NXPE2: variants seen among roughly 807,000 people sequenced by gnomAD.
NXPE2 encodes NXPE family member 2.
In NXPE2, 34 loss-of-function variants were observed where a neutral mutation model predicts 34.4. The ratio of observed to expected loss-of-function variants is 0.99; its 90% confidence interval spans 0.75 to 1.31. NXPE2 has a LOEUF of 1.31. Among genes scored for constraint, NXPE2 ranks in the 40% most tolerant of loss-of-function variants. The probability of loss-of-function intolerance (pLI) is 0.00; values close to 1 mark genes in which losing one functional copy is unlikely to be tolerated. For synonymous variants in NXPE2, 235 were observed against 231.3 expected (o/e 1.02, Z -0.15); for missense variants, 649 against 672.5 (o/e 0.97, Z 0.39).
chr11:114,590,597 C>G, the NXPE2 span, among the ~76,000 whole-genome samples: 2 of 152,192 alleles, frequency 1.3e-5, no homozygotes, highest in African/African-American at 4.8e-5. Context: ...GGTACCAGCC[C>G]TCAGCCCCTC....
chr11:114,597,370 T>G, the NXPE2 span, among the ~76,000 whole-genome samples: 1 of 152,216 alleles, frequency 6.6e-6, no homozygotes, highest in Non-Finnish European at 1.5e-5. Context: ...GACAAACTTT[T>G]TCTGTAAAGA....
At chr11:114,790,340 C>T in the NXPE2 span, among the ~76,000 whole-genome samples, 35 of 152,272 alleles carry the variant, frequency 2.3e-4, no homozygotes, top group African/African-American at 7.9e-4. Flanking sequence ...CTGTAAGAAG[C>T]CAAAGGTACA....
the NXPE2 span, chr11:114,554,371 A>G: frequency 1.0e-6 from 1 of 985,190 alleles, no homozygotes; most frequent in Non-Finnish European, 1.2e-6. Context: ...GCAGCAGCCT[A>G]GCTTAGACCA....
intron 2 of NXPE2, among the ~76,000 whole-genome samples, chr11:114,696,293 C>T (rs1323427470): frequency 7.1e-6 from 1 of 140,486 alleles, no homozygotes; most frequent in East Asian, 2.1e-4. Flanking sequence ...GATTGTGCCA[C>T]TGCAATCCAG....
chr11:114,489,041 T>A, the NXPE2 span, among the ~76,000 whole-genome samples: 2 of 152,124 alleles, frequency 1.3e-5, no homozygotes, highest in Non-Finnish European at 2.9e-5. Flanking sequence ...CCACTGATCC[T>A]CCAGAAATAC....
the NXPE2 span, among the ~76,000 whole-genome samples, chr11:114,806,358 G>A: frequency 1.3e-5 from 2 of 152,210 alleles, no homozygotes; most frequent in African/African-American, 4.8e-5. Context: ...TGACTTGGAC[G>A]AGTTGAGAGA....
At chr11:114,780,581 G>C in the NXPE2 span, among the ~76,000 whole-genome samples, 4 of 152,208 alleles carry the variant, frequency 2.6e-5, no homozygotes. Flanking sequence ...TGAAGGCAGA[G>C]TTCCAGCCCA....
chr11:114,724,296 T>C, the NXPE2 span, among the ~76,000 whole-genome samples: 1 of 152,192 alleles, frequency 6.6e-6, no homozygotes, highest in Non-Finnish European at 1.5e-5. Flanking sequence ...AGTGAGGTTC[T>C]CATCCCTCAC....
At chr11:114,655,577 A>G in the NXPE2 span, among the ~76,000 whole-genome samples, 1 of 152,222 alleles carries the variant, frequency 6.6e-6, no homozygotes, top group African/African-American at 2.4e-5. Flanking sequence ...TTTACTGAAT[A>G]GGAGATCCTT....
At chr11:114,632,201 CATATT>C in the NXPE2 span, among the ~76,000 whole-genome samples, 1 of 138,764 alleles carries the variant, frequency 7.2e-6, no homozygotes, top group African/African-American at 2.6e-5. Flanking sequence ...ATCATATATA[CATATT>C]ATATATGTAT....
At chr11:114,637,958 C>A in the NXPE2 span, among the ~76,000 whole-genome samples, 1 of 151,498 alleles carries the variant, frequency 6.6e-6, no homozygotes, top group Non-Finnish European at 1.5e-5. Flanking sequence ...TTGCTCTTCT[C>A]GAGGAGTATC....
At chr11:114,572,186 G>A in the NXPE2 span, among the ~76,000 whole-genome samples, 3 of 152,048 alleles carry the variant, frequency 2.0e-5, no homozygotes, top group Non-Finnish European at 4.4e-5. Context: ...CCACATCAAG[G>A]GAGCACCCTG....
the NXPE2 span, among the ~76,000 whole-genome samples, chr11:114,494,296 A>G: frequency 1.3e-5 from 2 of 152,220 alleles, no homozygotes; most frequent in South Asian, 4.1e-4. Flanking sequence ...TTCTACCCCT[A>G]TCTCGTTATC....
chr11:114,657,864 C>G, the NXPE2 span, among the ~76,000 whole-genome samples: 1 of 152,118 alleles, frequency 6.6e-6, no homozygotes, highest in South Asian at 2.1e-4. Flanking sequence ...TGAGCAAAAT[C>G]TCTCATAGTT....
the NXPE2 span, chr11:114,554,187 G>A: frequency 1.0e-6 from 1 of 984,178 alleles, no homozygotes; most frequent in Non-Finnish European, 1.2e-6. Flanking sequence ...TTCATCAGCT[G>A]TAATAGAAAC....
chr11:114,600,966 C>A, the NXPE2 span, among the ~76,000 whole-genome samples: 8 of 151,956 alleles, frequency 5.3e-5, no homozygotes, highest in Admixed American at 6.6e-5. Flanking sequence ...ATATCGTATA[C>A]CAAATAATTT....
In NXPE2 at chr11:114,698,692, T is replaced by C. The variant is rs1271107070; in HGVS notation, c.780T>C (p.His260=). 4.3e-6 allele frequency: 7 copies of C among 1,613,944 alleles called. No homozygotes were observed. Among genetic ancestry groups the C allele is most frequent in the Non-Finnish European group, 4.2e-6 (5 of 1,179,816 alleles). Residue 260 remains histidine, a synonymous_variant, in exon 3 of 6, where the codon CAT becomes CAC. Coordinates refer to ENST00000389586, the MANE Select transcript of NXPE2 (RefSeq NM_182495.6). ...QEAFYCVRPQ[H]MPCEALTHMT... ...CCTTCTACTGTGTGAGGCCTCAACA[T>C]ATGCCCTGTGAGGCCTTGACCCACA...
chr11:114,692,060 ACT>A (rs1396301550), intron 2 of NXPE2, among the ~76,000 whole-genome samples: 7 of 151,892 alleles, frequency 4.6e-5, no homozygotes, highest in Admixed American at 4.6e-4. Flanking sequence ...CTGCTGGGGA[ACT>A]CTCTGCATTC....
chr11:114,698,841 A>G lies in NXPE2; in HGVS notation c.866+63A>G, dbSNP rs1951313684. 1.3e-5 allele frequency: 19 copies of G among 1,415,106 alleles called. No individual in the cohort carries two copies. The South Asian group carries it at 2.7e-4, about 20-fold the overall frequency. The allele number at this position is 1,415,106 out of a possible 1,614,324, so 87.7% of individuals were successfully genotyped here. A position where few individuals can be genotyped will look rare whatever the true frequency, so the allele number is the denominator to read the frequency against. On this transcript the variant is annotated intron_variant, in intron 3 of 5. Transcript: ENST00000389586. Reference sequence around the variant, plus strand: ...GGTATCCGACCAAACTCTGCCTAGTAGTTTTGCCTAATCAAACTTTTGTAT... The same window carrying G: ...GGTATCCGACCAAACTCTGCCTAGTGGTTTTGCCTAATCAAACTTTTGTAT...
Sources: allele counts gnomAD v4.1 joint callset (sites outside exome capture counted in the v4.1 genomes callset), GRCh38; gene constraint gnomAD v4.1.1; transcripts MANE v1.5; gene names NCBI Gene and HGNC (gene_info 2026-07-23, HGNC 2026-07-21).